Variants in HUWE1 observed in about 807,000 individuals in gnomAD.
HUWE1 encodes HECT, UBA and WWE domain containing E3 ubiquitin protein ligase 1.
In HUWE1, 18 loss-of-function variants were observed where a neutral mutation model predicts 299.4. The ratio of observed to expected loss-of-function variants is 0.06; its 90% CI spans 0.04 to 0.09. The LOEUF is 0.09. Among genes scored for constraint, HUWE1 ranks in the 10% least tolerant of loss-of-function variants. The pLI is 1.00. For missense variants in HUWE1, 1,832 were observed against 3,462.3 expected, an observed-to-expected ratio of 0.53 and a Z score of 11.82; for synonymous variants, 1,317 against 1,286.1, an observed-to-expected ratio of 1.02 and a Z score of -0.51.
intron 3 of HUWE1, among the ~76,000 whole-genome samples, chrX:53,675,433 A>C (rs1308314318): frequency 8.9e-6 from 1 of 111,849 alleles, no homozygotes; most frequent in Non-Finnish European, 1.9e-5. Flanking sequence ...GAAAGCTGTG[A>C]GAAACAATGG....
In HUWE1 at chrX:53,602,553, C is replaced by T; in HGVS notation, c.2971+11G>A. The stretch of plus-strand genomic sequence containing the variant: ...GAAGTAATGACTAACATTTTAGTTT[C>T]TTAGAGTTACCTGATCTTTTTCCGC... On this transcript the variant is annotated intron_variant, in intron 28 of 83. Transcript: ENST00000262854. The T allele has an allele frequency of 9.5e-7, 1 of 1,049,873 alleles. No homozygotes were observed. Among genetic ancestry groups the T allele is most frequent in the Non-Finnish European group, 1.3e-6 (1 of 749,321 alleles). 86.5% of individuals were successfully genotyped at this position (1,049,873 alleles called of 1,213,427 possible). A position where few individuals can be genotyped will look rare whatever the true frequency, so the allele number is the denominator to read the frequency against.
chrX:53,673,904 AGTT>A (rs1185265820), intron 3 of HUWE1, among the ~76,000 whole-genome samples: 1 of 111,225 alleles, frequency 9.0e-6, no homozygotes, highest in Non-Finnish European at 1.9e-5. Flanking sequence ...TCCCAAATAA[AGTT>A]GTCAGTTTGC....
At position 53,550,772 on chromosome X, in the gene HUWE1, G is replaced by A. The variant is rs782618669; in HGVS notation, c.9386-4C>T. 1.7e-6 allele frequency: 2 copies of A among 1,209,796 alleles called. No homozygotes were observed. The highest frequency in any genetic ancestry group is 2.2e-5 in the Admixed American group (1 of 46,058). ...CCACTTAAGCGACTGGTGAAAGCTG[G>A]AAGGAAAGAAAAAGAAAACTGAGAT... On this transcript the variant is annotated splice_region_variant and splice_polypyrimidine_tract_variant and intron_variant, in intron 65 of 83. Coordinates refer to ENST00000262854, the MANE Select transcript of HUWE1 (RefSeq NM_031407.7).
At chrX:53,580,715 G>A in intron 43 of HUWE1, 116 bp downstream of exon 43, 2 of 690,659 alleles carry the variant, frequency 2.9e-6, no homozygotes, top group South Asian at 2.4e-5. Flanking sequence ...GCCAGCAAAT[G>A]TCCTAATACT....
chrX:53,573,835 G>C lies in HUWE1; in HGVS notation c.6227C>G (p.Ala2076Gly). The C allele has an allele frequency of 8.3e-7, 1 of 1,210,942 alleles. No individual in the cohort carries two copies. Among genetic ancestry groups the C allele is most frequent in the Non-Finnish European group, 1.1e-6 (1 of 894,594 alleles). The change falls in exon 47 of 84, where the codon GCA becomes GGA. Residue 2076 changes from alanine (A) to glycine (G), a missense_variant. By Grantham distance (60) the Ala-to-Gly change is moderately conservative. Transcript: ENST00000262854. ...MPTSTILRLL[A>G]ELVRSYVGIA... ...ACCAACATAGGACCTCACCAACTCT[G>C]CCAGAAGACGAAGGATAGTGGAGGT... is the stretch of plus-strand genomic sequence containing the variant.
intron 4 of HUWE1, among the ~76,000 whole-genome samples, chrX:53,648,540 CAAAAAAAAACAA>C (rs1353346384): frequency 1.2e-4 from 10 of 85,744 alleles, no homozygotes; most frequent in Non-Finnish European, 1.9e-4. Flanking sequence ...CAAAAAAAAA[CAAAAAAAAACAA>C]AAAACAAAAC....
At position 53,586,772 on chromosome X, in the gene HUWE1, G is replaced by A; in HGVS notation, c.4742+10C>T. ...AGAAACGAAACTAGGGTAGATATAGGGTTACTCACTTTGGGGTCTGGACTT... is the reference window on the plus strand; with the variant it reads ...AGAAACGAAACTAGGGTAGATATAGAGTTACTCACTTTGGGGTCTGGACTT... On this transcript the variant is annotated intron_variant, in intron 38 of 83. Transcript: ENST00000262854. 8.3e-7 allele frequency: 1 copy of A among 1,211,042 alleles called. No homozygotes were observed. Among genetic ancestry groups the A allele is most frequent in the Non-Finnish European group, 1.1e-6 (1 of 895,085 alleles).
chrX:53,568,268 T>TC (rs1261106027), intron 49 of HUWE1, among the ~76,000 whole-genome samples: 1 of 110,602 alleles, frequency 9.0e-6, no homozygotes, highest in Non-Finnish European at 1.9e-5. Flanking sequence ...GCCCCAAATT[T>TC]CCCCCAACAC....
chrX:53,562,803 G>C, intron 53 of HUWE1, 28 bp downstream of exon 53: 1 of 1,153,987 alleles, frequency 8.7e-7, no homozygotes, highest in Non-Finnish European at 1.2e-6. Flanking sequence ...GGCAAGAAGG[G>C]AGGCCTTTCT....
intron 17 of HUWE1, chrX:53,625,505 G>T: frequency 3.3e-6 from 1 of 299,204 alleles, no homozygotes; most frequent in Non-Finnish European, 5.8e-6. Flanking sequence ...AAGTAAAAAG[G>T]TTCAACTTTT....
At chrX:53,544,020 A>C in intron 72 of HUWE1, 52 bp from the exon 73 acceptor site, 1 of 1,044,910 alleles carries the variant, frequency 9.6e-7, no homozygotes, top group Non-Finnish European at 1.3e-6. Flanking sequence ...GAAGAGGGAA[A>C]GCCCAATATT....
chrX:53,611,426 T>C (rs925604279), intron 23 of HUWE1, among the ~76,000 whole-genome samples: 29 of 111,482 alleles, frequency 2.6e-4, no homozygotes, highest in African/African-American at 9.1e-4. Context: ...AATATACACA[T>C]AAGACTTTAT....
chrX:53,547,063 G>A (rs1223010987), intron 68 of HUWE1, among the ~76,000 whole-genome samples: 1 of 111,985 alleles, frequency 8.9e-6, no homozygotes, highest in Non-Finnish European at 1.9e-5. Flanking sequence ...GCACAATCAC[G>A]TCTCACCATA....
intron 3 of HUWE1, among the ~76,000 whole-genome samples, chrX:53,664,427 A>G (rs1467862781): frequency 3.6e-5 from 4 of 111,619 alleles, no homozygotes; most frequent in African/African-American, 1.3e-4. Flanking sequence ...CACCATCTAA[A>G]CAAATGCCTT....
Position 53,543,881 on chromosome X carries a change from C to T in HUWE1, c.11339G>A (p.Arg3780His), listed in dbSNP as rs1556920630. ...CTGTCTCCGCGCCCTTTGACCCTCACGTACCATTTGTATAATGGCATCAGC... is the reference window on the plus strand; with the variant it reads ...CTGTCTCCGCGCCCTTTGACCCTCATGTACCATTTGTATAATGGCATCAGC... ...AEADAIIQMV[R>H]EGQRARRQQQ... The change falls in exon 73 of 84, where the codon CGT becomes CAT. Residue 3780 changes from arginine to histidine, a missense_variant. Physicochemically the swap from Arg to His is conservative, Grantham distance 29 (BLOSUM62 0). Transcript: ENST00000262854. 1.4e-5 allele frequency: 17 copies of T among 1,209,348 alleles called. No homozygotes were observed. Among genetic ancestry groups the T allele is most frequent in the South Asian group, 1.8e-5 (1 of 56,626 alleles).
chrX:53,592,756 G>C (rs2064231492), intron 32 of HUWE1, 128 bp from the exon 33 acceptor site: 1 of 534,138 alleles, frequency 1.9e-6, no homozygotes, highest in African/African-American at 2.3e-5. Context: ...TGGCCAACAT[G>C]AGGAGGTCTA....
chrX:53,645,206 T>TTA (rs1201183119), intron 7 of HUWE1, 105 bp downstream of exon 7: 1 of 869,157 alleles, frequency 1.2e-6, no homozygotes, highest in African/African-American at 2.0e-5. Context: ...GCCAGTGAAG[T>TTA]TAACTTAGGG....
chrX:53,543,776 T>C, intron 73 of HUWE1, 65 bp downstream of exon 73: 1 of 1,203,644 alleles, frequency 8.3e-7, no homozygotes, highest in Non-Finnish European at 1.1e-6. Context: ...GAAACCCCAC[T>C]GATGACATGG....
intron 3 of HUWE1, among the ~76,000 whole-genome samples, chrX:53,656,877 A>G (rs1557043261): frequency 9.0e-6 from 1 of 111,093 alleles, no homozygotes; most frequent in African/African-American, 3.3e-5. Flanking sequence ...GAACCCAGAA[A>G]TAGACTCATA....
Sources: gnomAD v4.1 joint callset for allele counts (sites outside exome capture counted in the v4.1 genomes callset) on GRCh38, gnomAD v4.1.1 for gene constraint, MANE v1.5 for transcripts, NCBI Gene and HGNC (gene_info 2026-07-23, HGNC 2026-07-21) for gene names.